Variants in ORC4 observed in about 807,000 individuals in gnomAD.
ORC4 encodes the protein origin recognition complex subunit 4, also known as origin recognition complex, subunit 4 homolog.
A neutral mutation model predicts 63.9 loss-of-function variants in ORC4; 55 were observed. The observed-to-expected ratio is 0.86, with a 90% CI of 0.69 to 1.08. The LOEUF (loss-of-function observed/expected upper bound fraction) is 1.08, where lower values mean the gene tolerates loss of function less well. Among genes scored for constraint, ORC4 ranks in the 50% least tolerant of loss-of-function variants. ORC4 has a pLI of 0.00. For synonymous variants in ORC4, 150 were observed against 168.5 expected, an observed-to-expected ratio of 0.89 and a Z score of 0.85; for missense variants, 511 against 504.4, an observed-to-expected ratio of 1.01 and a Z score of -0.13.
chr2:148,008,189 A>C (rs910042897), intron 1 of ORC4, among the ~76,000 whole-genome samples: 3 of 152,234 alleles, frequency 2.0e-5, no homozygotes, highest in Non-Finnish European at 2.9e-5. Context: ...GGACATTAAC[A>C]AGCAACAAGA....
chr2:147,957,712 T>C (rs1325386241), intron 6 of ORC4, among the ~76,000 whole-genome samples: 1 of 152,158 alleles, frequency 6.6e-6, no homozygotes, highest in Non-Finnish European at 1.5e-5. Flanking sequence ...CAGCAAATTA[T>C]TTTTTAAGTT....
At chr2:147,947,998 T>C (rs1235579799) in intron 9 of ORC4, 53 bp downstream of exon 9, 4 of 1,424,466 alleles carry the variant, frequency 2.8e-6, no homozygotes, top group South Asian at 1.2e-5. Flanking sequence ...TGTGTTTTAA[T>C]TGCTTTAAAT....
At chr2:147,938,584 T>A in intron 11 of ORC4, 191 bp from the exon 12 acceptor site, 1 of 550,764 alleles carries the variant, frequency 1.8e-6, no homozygotes, top group Non-Finnish European at 3.2e-6. Flanking sequence ...AGCTTAGTTT[T>A]TTTCCTATCT....
At chr2:147,946,264 AC>A (rs1688654222) in intron 9 of ORC4, among the ~76,000 whole-genome samples, 1 of 151,856 alleles carries the variant, frequency 6.6e-6, no homozygotes, top group Non-Finnish European at 1.5e-5. Context: ...CCATGTAGTT[AC>A]CTTAAGAAGA....
chr2:147,986,788 C>CAT (rs1213669475), intron 1 of ORC4, among the ~76,000 whole-genome samples: 1 of 120,186 alleles, frequency 8.3e-6, no homozygotes, highest in Non-Finnish European at 1.7e-5. Context: ...CACACACACA[C>CAT]ATACACACAC....
intron 8 of ORC4, among the ~76,000 whole-genome samples, chr2:147,948,812 C>G (rs1333484931): frequency 6.6e-6 from 1 of 151,060 alleles, no homozygotes; most frequent in South Asian, 2.1e-4. Flanking sequence ...TAAGGACATA[C>G]GAAGTGTTCT....
At chr2:147,998,640 C>A (rs1353818086) in intron 1 of ORC4, among the ~76,000 whole-genome samples, 2 of 152,184 alleles carry the variant, frequency 1.3e-5, no homozygotes, top group Non-Finnish European at 2.9e-5. Context: ...GTCTGCAGAA[C>A]TGTGAGCTAT....
At chr2:147,951,491 G>T (rs1688956787) in intron 8 of ORC4, 1 of 152,202 alleles carries the variant, frequency 6.6e-6, no homozygotes, top group Non-Finnish European at 1.5e-5. Flanking sequence ...TCTTGAGACA[G>T]TGAGTTGTTA....
chr2:147,952,012 C>T (rs1688982716), intron 8 of ORC4, among the ~76,000 whole-genome samples: 2 of 152,114 alleles, frequency 1.3e-5, no homozygotes, highest in East Asian at 3.8e-4. Flanking sequence ...GATTTCAAGC[C>T]TTTTCAAAAT....
At chr2:147,964,372 A>C (rs1029672069) in intron 4 of ORC4, among the ~76,000 whole-genome samples, 1 of 152,234 alleles carries the variant, frequency 6.6e-6, no homozygotes, top group African/African-American at 2.4e-5. Context: ...TCTTAAATTG[A>C]AGACAAATTG....
intron 1 of ORC4, among the ~76,000 whole-genome samples, chr2:147,995,082 T>C (rs1217976366): frequency 4.0e-5 from 6 of 151,560 alleles, no homozygotes; most frequent in African/African-American, 1.2e-4. Context: ...CAGCACTCTA[T>C]AAAAACGCAC....
intron 1 of ORC4, among the ~76,000 whole-genome samples, chr2:148,018,342 A>G (rs995779710): frequency 2.0e-5 from 3 of 152,224 alleles, no homozygotes; most frequent in Non-Finnish European, 4.4e-5. Flanking sequence ...GGGATCTACC[A>G]TATACTGCTG....
rs746710097 is a variant in ORC4 at position 147,935,658 on chromosome 2, A to G, written c.1163T>C (p.Met388Thr). The G allele has an allele frequency of 1.9e-6, 3 of 1,613,394 alleles. No homozygotes were observed. Among genetic ancestry groups the G allele is most frequent in the South Asian group, 1.1e-5 (1 of 91,052 alleles). Residue 388 changes from methionine to threonine, a missense_variant, in exon 14 of 14, where the codon ATG (methionine) becomes ACG (threonine). Met to Thr is a moderately conservative substitution (Grantham distance 81, BLOSUM62 -1). Transcript: ENST00000392857. ...HLQQLELIKP[M>T]ERTSGNSQRE... Reference sequence around the variant, plus strand: ...CTGTGAATTTCCTGAAGTTCTTTCCATGGGCTTTATTAATTCTAATTGCTG... The same window carrying G: ...CTGTGAATTTCCTGAAGTTCTTTCCGTGGGCTTTATTAATTCTAATTGCTG...
At chr2:147,983,078 G>T (rs958327195) in intron 1 of ORC4, among the ~76,000 whole-genome samples, 8 of 152,292 alleles carry the variant, frequency 5.3e-5, no homozygotes, top group African/African-American at 1.7e-4. Flanking sequence ...AGATGGTGAG[G>T]ATGTAAAGAA....
At chr2:147,942,634 C>T (rs1201509759) in intron 10 of ORC4, among the ~76,000 whole-genome samples, 1 of 152,096 alleles carries the variant, frequency 6.6e-6, no homozygotes. Flanking sequence ...CTACAGCTAA[C>T]ATTATACTTA....
At chr2:147,973,593 C>G (rs1447008169) in intron 2 of ORC4, 69 bp from the exon 3 acceptor site, 1 of 901,276 alleles carries the variant, frequency 1.1e-6, no homozygotes, top group Non-Finnish European at 1.8e-6. Context: ...AATAAGAAAG[C>G]ACATTTACAA....
At chr2:147,976,258 C>T (rs1461251372) in intron 1 of ORC4, among the ~76,000 whole-genome samples, 2 of 151,962 alleles carry the variant, frequency 1.3e-5, no homozygotes, top group African/African-American at 4.8e-5. Flanking sequence ...TCCAACAAGT[C>T]GATAGGCACC....
rs755035258 is a variant in ORC4, at chr2:148,005,802, CCT to C, written c.-18+14829_-18+14830del. ...ACCAGTCTGGGCAACCTGATGAAACCCTGTCTTTACAAAATATGAAAAAATTA... is the reference window on the plus strand; with the variant it reads ...ACCAGTCTGGGCAACCTGATGAAACCGTCTTTACAAAATATGAAAAAATTA... On this transcript the variant is annotated intron_variant, in intron 1 of 13. Coordinates refer to ENST00000392857, the MANE Select transcript of ORC4 (RefSeq NM_181741.4). 2.0e-4 allele frequency among the ~76,000 whole-genome samples: 30 copies of C among 152,024 alleles called. 3 individuals are homozygous for C. The South Asian group carries it at 5.8e-3, about 29-fold the overall frequency.
At chr2:147,994,629 C>T (rs1012194626) in intron 1 of ORC4, among the ~76,000 whole-genome samples, 2 of 152,194 alleles carry the variant, frequency 1.3e-5, no homozygotes, top group African/African-American at 4.8e-5. Context: ...AAAAACTAGA[C>T]ATACACATGC....
Sources: gnomAD v4.1 joint callset for allele counts (sites outside exome capture counted in the v4.1 genomes callset) on GRCh38, gnomAD v4.1.1 for gene constraint, MANE v1.5 for transcripts, NCBI Gene and HGNC (gene_info 2026-07-23, HGNC 2026-07-21) for gene names.